The following ATF1 variants were observed in gnomAD, a reference collection of about 807,000 sequenced individuals.
ATF1 encodes the protein activating transcription factor 1, also known as cyclic AMP-dependent transcription factor ATF-1.
A neutral mutation model predicts 34.7 loss-of-function variants in ATF1; 16 were observed. The ratio of observed to expected loss-of-function variants is 0.46; its 90% CI spans 0.31 to 0.70. The LOEUF (loss-of-function observed/expected upper bound fraction) is 0.70. Ranked by LOEUF, ATF1 falls within the 30% of genes least tolerant of loss-of-function variation. The pLI is 0.05. For missense variants in ATF1, 255 were observed against 321.6 expected, an observed-to-expected ratio of 0.79 and a Z score of 1.58; for synonymous variants, 105 against 113.1, an observed-to-expected ratio of 0.93 and a Z score of 0.46.
intron 1 of ATF1, among the ~76,000 whole-genome samples, chr12:50,765,415 C>T (rs1592160373): frequency 6.6e-6 from 1 of 152,212 alleles, no homozygotes; most frequent in African/African-American, 2.4e-5. Context: ...TAGGTTTGGT[C>T]TGTGAGCTAT....
chr12:50,817,941 T>C (rs1565922436), intron 6 of ATF1, among the ~76,000 whole-genome samples: 2 of 152,186 alleles, frequency 1.3e-5, no homozygotes, highest in African/African-American at 4.8e-5. Flanking sequence ...CACTCTCATG[T>C]ACTGCCCCTG....
intron 1 of ATF1, among the ~76,000 whole-genome samples, chr12:50,778,427 G>A (rs1291322008): frequency 6.6e-6 from 1 of 151,402 alleles, no homozygotes; most frequent in Non-Finnish European, 1.5e-5. Flanking sequence ...GTTTCACCAT[G>A]TTGGCCAGGA....
chr12:50,782,481 T>A (rs1211624059), intron 2 of ATF1, among the ~76,000 whole-genome samples: 3 of 150,936 alleles, frequency 2.0e-5, no homozygotes, highest in Non-Finnish European at 4.4e-5. Context: ...GGTCTTGATC[T>A]CCTGACCTCG....
intron 1 of ATF1, among the ~76,000 whole-genome samples, chr12:50,771,467 C>G (rs777371644): frequency 8.5e-5 from 13 of 152,132 alleles, no homozygotes; most frequent in Non-Finnish European, 1.8e-4. Flanking sequence ...TGACTGAGCT[C>G]CTTTTTACCC....
In ATF1 at chr12:50,794,230, G is replaced by A. The variant is rs971650256; in HGVS notation, c.94-1679G>A. Among the ~76,000 whole-genome samples the A allele has an allele frequency of 1.8e-4, 28 of 151,784 alleles. No individual in the cohort carries two copies. The East Asian group carries it at 3.4e-3, about 18-fold the overall frequency. On this transcript the variant is annotated intron_variant, in intron 2 of 6. Coordinates refer to ENST00000262053, the MANE Select transcript of ATF1 (RefSeq NM_005171.5). ...CTCCCAAAGTGCTGGGATTACAGGC[G>A]TGAGCCACCGCGCCTGGCCTGGGTT...
intron 3 of ATF1, among the ~76,000 whole-genome samples, chr12:50,808,801 G>A (rs559772485): frequency 3.3e-5 from 5 of 149,784 alleles, no homozygotes; most frequent in Middle Eastern, 3.3e-3. Context: ...GTGCAGTGGC[G>A]CGACCTCGAC....
At chr12:50,816,273 C>T (rs924482526) in intron 6 of ATF1, among the ~76,000 whole-genome samples, 5 of 151,754 alleles carry the variant, frequency 3.3e-5, no homozygotes, top group South Asian at 2.1e-4. Flanking sequence ...GCAGCATGAT[C>T]GCACCACTGC....
At chr12:50,815,761 A>G (rs1484994352) in intron 6 of ATF1, among the ~76,000 whole-genome samples, 2 of 152,178 alleles carry the variant, frequency 1.3e-5, no homozygotes, top group Non-Finnish European at 2.9e-5. Flanking sequence ...AAAACGAAAA[A>G]TAGAAATCTA....
intron 3 of ATF1, among the ~76,000 whole-genome samples, chr12:50,803,807 A>G (rs569163942): frequency 6.6e-6 from 1 of 152,378 alleles, no homozygotes; most frequent in East Asian, 1.9e-4. Flanking sequence ...TACAACATGG[A>G]TAAACCTTGA....
intron 6 of ATF1, among the ~76,000 whole-genome samples, chr12:50,818,535 A>G (rs980072062): frequency 6.6e-6 from 1 of 152,248 alleles, no homozygotes; most frequent in Non-Finnish European, 1.5e-5. Flanking sequence ...GTCCTTTTAA[A>G]GATGTGTACT....
intron 2 of ATF1, among the ~76,000 whole-genome samples, chr12:50,794,697 C>T (rs1234144654): frequency 1.1e-4 from 16 of 151,932 alleles, no homozygotes; most frequent in Admixed American, 7.9e-4. Flanking sequence ...CTTTGGGAGG[C>T]CTGCTTGAGC....
At chr12:50,765,396 T>C (rs1940608349) in intron 1 of ATF1, among the ~76,000 whole-genome samples, 1 of 152,250 alleles carries the variant, frequency 6.6e-6, no homozygotes, top group African/African-American at 2.4e-5. Context: ...TGCCGTTATC[T>C]TTTAGGGTTA....
At chr12:50,788,477 C>T (rs958658944) in intron 2 of ATF1, among the ~76,000 whole-genome samples, 1 of 151,680 alleles carries the variant, frequency 6.6e-6, no homozygotes, top group Non-Finnish European at 1.5e-5. Context: ...TGAGCCACTG[C>T]ACCTGGCCCT....
chr12:50,798,148 C>CT (rs1276616115), intron 3 of ATF1, among the ~76,000 whole-genome samples: 6 of 148,456 alleles, frequency 4.0e-5, no homozygotes, highest in East Asian at 2.0e-4. Context: ...GACTCCATCT[C>CT]TAAAAAAAAA....
chr12:50,811,021 T>C (rs1206980056), intron 4 of ATF1, among the ~76,000 whole-genome samples: 1 of 152,190 alleles, frequency 6.6e-6, no homozygotes, highest in Non-Finnish European at 1.5e-5. Context: ...TCTGACCTCA[T>C]CTCCTGCCAC....
chr12:50,769,523 T>G (rs761744049), intron 1 of ATF1, among the ~76,000 whole-genome samples: 4 of 151,792 alleles, frequency 2.6e-5, no homozygotes, highest in Non-Finnish European at 5.9e-5. Flanking sequence ...AAAAAAAAAT[T>G]CATACAGGAA....
intron 3 of ATF1, among the ~76,000 whole-genome samples, chr12:50,798,283 A>G (rs1941448292): frequency 6.6e-6 from 1 of 152,046 alleles, no homozygotes; most frequent in South Asian, 2.1e-4. Context: ...AACAATAGTA[A>G]TAATGATTAA....
chr12:50,820,657 T>G lies in ATF1; in HGVS notation c.*878T>G, dbSNP rs539895051. ...TTTTAAAAAACCTTCTGAAGATACA[T>G]ACCAAAGTTTTTCCAAGAAGATTTT... On this transcript the variant is annotated 3_prime_UTR_variant, in exon 7 of 7. Transcript: ENST00000262053. 3.4e-5 allele frequency: 6 copies of G among 178,148 alleles called. No homozygotes were observed. Among genetic ancestry groups the G allele is most frequent in the African/African-American group, 1.4e-4 (6 of 42,444 alleles). 11.0% of individuals were successfully genotyped at this position (178,148 alleles called of 1,614,324 possible).
intron 3 of ATF1, among the ~76,000 whole-genome samples, chr12:50,800,613 C>T (rs1338688777): frequency 1.3e-5 from 2 of 152,250 alleles, no homozygotes; most frequent in African/African-American, 4.8e-5. Flanking sequence ...ATTAGATTCT[C>T]ATAGGAATGT....
Sources: allele counts gnomAD v4.1 joint callset (sites outside exome capture counted in the v4.1 genomes callset), GRCh38; gene constraint gnomAD v4.1.1; transcripts MANE v1.5; gene names NCBI Gene and HGNC (gene_info 2026-07-23, HGNC 2026-07-21).